MAP3K3: variants seen among roughly 807,000 people sequenced by gnomAD.
MAP3K3 encodes mitogen-activated protein kinase kinase kinase 3.
In MAP3K3, 12 loss-of-function variants were observed where a neutral mutation model predicts 80.9. The ratio of observed to expected loss-of-function variants is 0.15; its 90% CI spans 0.10 to 0.24. The LOEUF (loss-of-function observed/expected upper bound fraction) is 0.24. Among genes scored for constraint, MAP3K3 ranks in the 10% least tolerant of loss-of-function variants. The probability of loss-of-function intolerance (pLI) is 1.00; values close to 1 mark genes in which losing one functional copy is unlikely to be tolerated. For synonymous variants in MAP3K3, 272 were observed against 307.1 expected (o/e 0.89, Z 1.19); for missense variants, 596 against 834.7 (o/e 0.71, Z 3.52).
intron 6 of MAP3K3, among the ~76,000 whole-genome samples, chr17:63,672,007 G>A (rs185533153): frequency 2.1e-4 from 32 of 152,086 alleles, no homozygotes; most frequent in African/African-American, 7.7e-4. Flanking sequence ...ATGAGGCCAG[G>A]TTTGGTGGCT....
At chr17:63,659,706 T>A (rs2034848127) in intron 5 of MAP3K3, among the ~76,000 whole-genome samples, 1 of 151,858 alleles carries the variant, frequency 6.6e-6, no homozygotes, top group Admixed American at 6.6e-5. Context: ...CTAATTTTTG[T>A]ATTTTTAGTA....
At chr17:63,643,459 C>T (rs561446836) in intron 2 of MAP3K3, among the ~76,000 whole-genome samples, 81 of 152,014 alleles carry the variant, frequency 5.3e-4, no homozygotes, top group African/African-American at 1.9e-3. Context: ...TGCAGTGAGC[C>T]GTGATCGTAC....
intron 6 of MAP3K3, among the ~76,000 whole-genome samples, chr17:63,668,704 T>C (rs969706990): frequency 7.9e-5 from 12 of 152,134 alleles, no homozygotes; most frequent in African/African-American, 2.7e-4. Flanking sequence ...TATATGGAAA[T>C]GATTTTCCTG....
chr17:63,640,951 C>A (rs920563921), intron 2 of MAP3K3, among the ~76,000 whole-genome samples: 3 of 152,306 alleles, frequency 2.0e-5, no homozygotes, highest in Admixed American at 6.5e-5. Flanking sequence ...AGACACCCCC[C>A]ACTCCACTGC....
intron 6 of MAP3K3, among the ~76,000 whole-genome samples, chr17:63,670,586 CAAAA>C (rs756058538): frequency 1.3e-4 from 10 of 79,940 alleles, no homozygotes; most frequent in Admixed American, 1.1e-3. Context: ...GACTCTGTCT[CAAAA>C]AAAAAAAAAA....
chr17:63,628,013 C>T (rs1227303805), intron 1 of MAP3K3, among the ~76,000 whole-genome samples: 1 of 151,812 alleles, frequency 6.6e-6, no homozygotes, highest in Non-Finnish European at 1.5e-5. Flanking sequence ...TCAAGCTATT[C>T]CCATGCCTCA....
chr17:63,657,190 C>T (rs1178309275), intron 4 of MAP3K3, among the ~76,000 whole-genome samples: 1 of 151,950 alleles, frequency 6.6e-6, no homozygotes, highest in African/African-American at 2.4e-5. Context: ...GGACATGATC[C>T]TACTTAATTT....
intron 1 of MAP3K3, among the ~76,000 whole-genome samples, chr17:63,629,015 AG>A (rs1768816731): frequency 6.6e-6 from 1 of 152,198 alleles, no homozygotes; most frequent in African/African-American, 2.4e-5. Context: ...TTTACAGATG[AG>A]GAAATTGAGG....
chr17:63,648,708 G>A (rs1156793706), intron 3 of MAP3K3, among the ~76,000 whole-genome samples: 6 of 152,106 alleles, frequency 3.9e-5, no homozygotes, highest in Non-Finnish European at 8.8e-5. Flanking sequence ...CCAGCTACTC[G>A]GGAGGCTAAG....
At chr17:63,655,307 A>G (rs1358445864) in intron 4 of MAP3K3, among the ~76,000 whole-genome samples, 1 of 152,164 alleles carries the variant, frequency 6.6e-6, no homozygotes, top group African/African-American at 2.4e-5. Context: ...GTTACCTCCC[A>G]CTGGGTCCCT....
intron 4 of MAP3K3, among the ~76,000 whole-genome samples, chr17:63,656,755 T>A (rs748429549): frequency 1.3e-5 from 2 of 152,206 alleles, no homozygotes. Context: ...CTCAGGGACC[T>A]TCTATTTAAT....
intron 2 of MAP3K3, among the ~76,000 whole-genome samples, chr17:63,635,715 T>TTTA (rs1249998354): frequency 1.3e-5 from 2 of 152,100 alleles, no homozygotes; most frequent in African/African-American, 2.4e-5. Flanking sequence ...GAGTTACACA[T>TTTA]TTATTATTAT....
chr17:63,637,517 G>T (rs998345412), intron 2 of MAP3K3, among the ~76,000 whole-genome samples: 1 of 152,222 alleles, frequency 6.6e-6, no homozygotes, highest in Non-Finnish European at 1.5e-5. Flanking sequence ...TAGACAGAAT[G>T]TGAAATATTT....
intron 1 of MAP3K3, among the ~76,000 whole-genome samples, chr17:63,623,285 G>T (rs768403331): frequency 5.9e-5 from 9 of 152,230 alleles, no homozygotes; most frequent in African/African-American, 1.7e-4. Context: ...CCCAGCGCAG[G>T]GGGGAGGGCG....
chr17:63,660,937 TTC>T (rs144559708), intron 5 of MAP3K3, among the ~76,000 whole-genome samples: 5,234 of 152,310 alleles, frequency 0.034, 320 homozygotes, highest in African/African-American at 0.12. Context: ...CTAATTTTCC[TTC>T]TGTCTTCATT....
At chr17:63,690,549 G>T (rs984807849) in intron 12 of MAP3K3, 137 bp downstream of exon 12, 9 of 931,438 alleles carry the variant, frequency 9.7e-6, no homozygotes, top group Non-Finnish European at 1.3e-5. Flanking sequence ...TGTCCATCCT[G>T]GTCCCAGCCA....
At chr17:63,665,496 G>T (rs768611946) in intron 5 of MAP3K3, among the ~76,000 whole-genome samples, 3 of 152,148 alleles carry the variant, frequency 2.0e-5, no homozygotes, top group African/African-American at 4.8e-5. Flanking sequence ...GGTTTAGATA[G>T]TATGTCCTTT....
chr17:63,658,081 C>T (rs975064849), intron 5 of MAP3K3, among the ~76,000 whole-genome samples, 174 bp downstream of exon 5: 11 of 152,168 alleles, frequency 7.2e-5, no homozygotes, highest in African/African-American at 1.7e-4. Flanking sequence ...TTGATTTCAC[C>T]GAAAAGCCAG....
intron 2 of MAP3K3, among the ~76,000 whole-genome samples, chr17:63,642,193 G>A (rs1173420936): frequency 6.6e-6 from 1 of 152,148 alleles, no homozygotes; most frequent in African/African-American, 2.4e-5. Flanking sequence ...TTAGTCACAG[G>A]CTTGGTTAGT....
Sources: gnomAD v4.1 joint callset for allele counts (sites outside exome capture counted in the v4.1 genomes callset) on GRCh38, gnomAD v4.1.1 for gene constraint, MANE v1.5 for transcripts, NCBI Gene and HGNC (gene_info 2026-07-23, HGNC 2026-07-21) for gene names.